Variants in FMN1 observed in about 807,000 individuals in gnomAD.
The protein encoded by FMN1 is formin-1.
A neutral mutation model predicts 132.4 loss-of-function variants in FMN1; 110 were observed. The ratio of observed to expected loss-of-function variants is 0.83; its 90% CI spans 0.71 to 0.97. The LOEUF (loss-of-function observed/expected upper bound fraction) is 0.97. Ranked by LOEUF, FMN1 falls within the 50% of genes least tolerant of loss-of-function variation. FMN1 has a pLI of 0.00. For synonymous variants in FMN1, 722 were observed against 651.7 expected, an observed-to-expected ratio of 1.11 and a Z score of -1.64; for missense variants, 1,792 against 1,705.3, an observed-to-expected ratio of 1.05 and a Z score of -0.90.
At chr15:32,774,486 T>TA (rs1189090059) in intron 20 of FMN1, 132 bp from the exon 21 acceptor site, 1 of 671,316 alleles carries the variant, frequency 1.5e-6, no homozygotes, top group African/African-American at 1.8e-5. Context: ...AGAGTACCTC[T>TA]ACTGCTTTCC....
At chr15:33,052,136 A>G (rs916354525) in intron 6 of FMN1, among the ~76,000 whole-genome samples, 1 of 152,196 alleles carries the variant, frequency 6.6e-6, no homozygotes, top group Non-Finnish European at 1.5e-5. Context: ...ATAAGGAGAG[A>G]GCTAAACCTG....
chr15:32,880,052 GT>G (rs35012329), intron 16 of FMN1, among the ~76,000 whole-genome samples: 2,338 of 148,770 alleles, frequency 0.016, 74 homozygotes, highest in African/African-American at 0.054. Context: ...AGCTTCTATT[GT>G]TTTTTTTTTA....
chr15:33,044,280 G>C (rs993691018), intron 6 of FMN1, among the ~76,000 whole-genome samples: 5 of 152,210 alleles, frequency 3.3e-5, no homozygotes, highest in African/African-American at 1.2e-4. Context: ...CAGGTTCCTG[G>C]GTGAAAAGGG....
At chr15:33,165,395 TC>T (rs752956055) in intron 3 of FMN1, among the ~76,000 whole-genome samples, 1 of 152,208 alleles carries the variant, frequency 6.6e-6, no homozygotes, top group Non-Finnish European at 1.5e-5. Context: ...AGTAGGTTTT[TC>T]TTTCTTTTTT....
chr15:32,927,215 T>C (rs1282171766), intron 9 of FMN1, among the ~76,000 whole-genome samples: 3 of 152,166 alleles, frequency 2.0e-5, no homozygotes, highest in Non-Finnish European at 2.9e-5. Flanking sequence ...TTATTATTAA[T>C]ATAAACAATA....
chr15:33,143,281 A>G (rs1417054352), intron 4 of FMN1, among the ~76,000 whole-genome samples: 3 of 152,246 alleles, frequency 2.0e-5, no homozygotes, highest in Admixed American at 2.0e-4. Flanking sequence ...TAACATTGAT[A>G]ATAATCACAT....
intron 16 of FMN1, among the ~76,000 whole-genome samples, chr15:32,874,306 C>T (rs1476593497): frequency 6.6e-6 from 1 of 152,040 alleles, no homozygotes; most frequent in Non-Finnish European, 1.5e-5. Context: ...CAGGTGTGAG[C>T]CACCAAGCCC....
chr15:33,008,334 T>C (rs1314078524), intron 6 of FMN1, among the ~76,000 whole-genome samples: 1 of 151,990 alleles, frequency 6.6e-6, no homozygotes, highest in African/African-American at 2.4e-5. Flanking sequence ...AAAAAAGGGA[T>C]GATGAGTGTG....
chr15:33,079,541 T>A (rs2038365163), intron 5 of FMN1, among the ~76,000 whole-genome samples: 1 of 152,222 alleles, frequency 6.6e-6, no homozygotes. Flanking sequence ...GAGAATCACT[T>A]GAACCTGGGA....
chr15:33,194,190 C>CAAAAA lies in FMN1; in HGVS notation c.-348-135_-348-131dup, dbSNP rs61236935. 4.0e-4 allele frequency: 9 copies of CAAAAA among 22,564 alleles called. 2 individuals are homozygous for CAAAAA. Among genetic ancestry groups the CAAAAA allele is most frequent in the African/African-American group, 1.7e-3 (8 of 4,730 alleles). The allele number at this position is 22,564 out of a possible 1,614,324, so 1.4% of individuals were successfully genotyped here. A position where few individuals can be genotyped will look rare whatever the true frequency, so the allele number is the denominator to read the frequency against. ...CCTCTGCGCTAAACACATCCAGCTT[C>CAAAAA]AAAAAAAAAAAAAAAAAAAAAAAAA... On this transcript the variant is annotated intron_variant, in intron 1 of 20. Coordinates refer to ENST00000616417, the MANE Select transcript of FMN1 (RefSeq NM_001277313.2).
intron 7 of FMN1, among the ~76,000 whole-genome samples, chr15:33,001,836 G>A (rs1267711036): frequency 6.6e-6 from 1 of 151,866 alleles, no homozygotes; most frequent in Non-Finnish European, 1.5e-5. Context: ...GCAGCCTTGT[G>A]CCCTTTCCAT....
chr15:32,873,238 A>C, intron 16 of FMN1, among the ~76,000 whole-genome samples: 1 of 152,246 alleles, frequency 6.6e-6, no homozygotes, highest in Non-Finnish European at 1.5e-5. Context: ...CCTATAAACA[A>C]GGTTTCATAT....
chr15:32,823,150 CTGTTTT>C (rs1289244892), intron 17 of FMN1, among the ~76,000 whole-genome samples: 3 of 84,128 alleles, frequency 3.6e-5, no homozygotes, highest in Non-Finnish European at 6.5e-5. Flanking sequence ...AGAGTTTCTA[CTGTTTT>C]TTTTTTTTTT....
At chr15:33,002,811 T>A (rs925875383) in intron 7 of FMN1, among the ~76,000 whole-genome samples, 5 of 152,204 alleles carry the variant, frequency 3.3e-5, no homozygotes, top group African/African-American at 1.2e-4. Flanking sequence ...ATGAAACACT[T>A]CTTTGGGTCA....
chr15:32,995,752 A>G (rs2033729842), intron 7 of FMN1, among the ~76,000 whole-genome samples: 1 of 152,226 alleles, frequency 6.6e-6, no homozygotes, highest in East Asian at 1.9e-4. Flanking sequence ...TTTACAGCAA[A>G]AACAATTTTA....
chr15:33,064,737 C>T, intron 6 of FMN1: 1 of 362,646 alleles, frequency 2.8e-6, no homozygotes, highest in Middle Eastern at 7.7e-4. Context: ...CACACATTCC[C>T]CCTTTCATTC....
At chr15:32,906,584 T>C (rs1183874188) in intron 12 of FMN1, among the ~76,000 whole-genome samples, 1 of 152,228 alleles carries the variant, frequency 6.6e-6, no homozygotes, top group Non-Finnish European at 1.5e-5. Context: ...ACTGTGTAAC[T>C]TGGTATAACC....
At chr15:32,983,041 G>T (rs111316293) in intron 7 of FMN1, among the ~76,000 whole-genome samples, 2 of 151,970 alleles carry the variant, frequency 1.3e-5, no homozygotes, top group African/African-American at 4.8e-5. Flanking sequence ...ACACATAGAC[G>T]CACACATCCT....
At chr15:33,050,985 T>G (rs1447064572) in intron 6 of FMN1, among the ~76,000 whole-genome samples, 1 of 152,200 alleles carries the variant, frequency 6.6e-6, no homozygotes, top group Non-Finnish European at 1.5e-5. Context: ...ACCCCACTTG[T>G]GTGGAAATAT....
Sources: allele counts gnomAD v4.1 joint callset (sites outside exome capture counted in the v4.1 genomes callset), GRCh38; gene constraint gnomAD v4.1.1; transcripts MANE v1.5; gene names NCBI Gene and HGNC (gene_info 2026-07-23, HGNC 2026-07-21).